The following PSD3 variants were observed in gnomAD, a reference collection of about 807,000 sequenced individuals.
PSD3 encodes PH and SEC7 domain-containing protein 3.
Under a neutral mutation model 105.5 loss-of-function variants are expected in PSD3, and 49 were observed. The observed-to-expected ratio is 0.46, with a 90% CI of 0.37 to 0.59. The LOEUF (loss-of-function observed/expected upper bound fraction) is 0.59. Among genes scored for constraint, PSD3 ranks in the 20% least tolerant of loss-of-function variants. PSD3 has a pLI of 0.00. For missense variants in PSD3, 1,561 were observed against 1,263.8 expected (o/e 1.24, Z -3.57); for synonymous variants, 557 against 457.8 (o/e 1.22, Z -2.77).
rs1051017645 is a variant in PSD3, at chr8:18,568,879, C to T, written c.2784+3649G>A. Among the ~76,000 whole-genome samples the T allele has an allele frequency of 2.2e-3, 333 of 150,634 alleles. 2 individuals carry two copies. Among genetic ancestry groups the T allele is most frequent in the African/African-American group, 7.7e-3 (317 of 41,078 alleles). On this transcript the variant is annotated intron_variant, in intron 14 of 15. Coordinates refer to ENST00000327040, the MANE Select transcript of PSD3 (RefSeq NM_015310.4). ...CACTCCCCCGACCCCACAACAGTCC[C>T]CAGAGGGTGATATTCCCCTTCCTGT...
chr8:19,064,134 C>G (rs1828993539), intron 1 of PSD3, among the ~76,000 whole-genome samples: 2 of 151,500 alleles, frequency 1.3e-5, no homozygotes, highest in South Asian at 4.2e-4. Flanking sequence ...AAGTGAGACT[C>G]TGTCTCAAAA....
intron 14 of PSD3, among the ~76,000 whole-genome samples, chr8:18,570,908 G>A (rs1235017472): frequency 1.3e-5 from 2 of 151,162 alleles, no homozygotes; most frequent in Non-Finnish European, 2.9e-5. Context: ...CGCCCAGGCT[G>A]GAATGCAGTG....
chr8:18,999,206 G>C (rs546669441), intron 1 of PSD3, among the ~76,000 whole-genome samples: 1 of 151,850 alleles, frequency 6.6e-6, no homozygotes, highest in Admixed American at 6.6e-5. Flanking sequence ...GTTTGCTTTT[G>C]TTTCTGAAGT....
chr8:18,755,831 C>T (rs559003199), intron 9 of PSD3, among the ~76,000 whole-genome samples: 39 of 151,534 alleles, frequency 2.6e-4, no homozygotes, highest in Admixed American at 5.9e-4. Flanking sequence ...CCCTCATTAT[C>T]GTCACCATTT....
At chr8:18,689,194 C>T (rs1407368120) in intron 9 of PSD3, among the ~76,000 whole-genome samples, 3 of 152,166 alleles carry the variant, frequency 2.0e-5, no homozygotes, top group Admixed American at 6.5e-5. Context: ...GGACACACAA[C>T]GCTGATACCA....
chr8:18,776,853 A>C (rs1038941894), intron 8 of PSD3, among the ~76,000 whole-genome samples: 3 of 152,056 alleles, frequency 2.0e-5, no homozygotes, highest in Non-Finnish European at 4.4e-5. Context: ...TCTTCTTGGT[A>C]GTTTGTATGT....
chr8:18,773,022 C>G (rs9644615), intron 8 of PSD3, among the ~76,000 whole-genome samples: 2 of 151,896 alleles, frequency 1.3e-5, no homozygotes, highest in Non-Finnish European at 2.9e-5. Flanking sequence ...ACAAACGTTT[C>G]AGTTTGATGT....
intron 1 of PSD3, among the ~76,000 whole-genome samples, chr8:18,985,246 T>C (rs928360249): frequency 2.1e-4 from 32 of 152,184 alleles, no homozygotes; most frequent in African/African-American, 7.7e-4. Context: ...CCTTTGCTTT[T>C]ATAGAGTGGA....
At chr8:18,947,421 G>A (rs1468061383) in intron 1 of PSD3, among the ~76,000 whole-genome samples, 2 of 152,170 alleles carry the variant, frequency 1.3e-5, no homozygotes, top group African/African-American at 4.8e-5. Context: ...AAAGCCCCTG[G>A]AGGTCCATTC....
At chr8:18,661,597 T>C (rs116807816) in intron 9 of PSD3, among the ~76,000 whole-genome samples, 2,072 of 152,284 alleles carry the variant, frequency 0.014, 56 homozygotes, top group African/African-American at 0.047. Flanking sequence ...TCTCCAAAAC[T>C]AGGATTTGGA....
At chr8:18,810,103 T>C (rs1811567406) in intron 4 of PSD3, among the ~76,000 whole-genome samples, 1 of 152,218 alleles carries the variant, frequency 6.6e-6, no homozygotes, top group Non-Finnish European at 1.5e-5. Flanking sequence ...CCATGCCTTT[T>C]ACGTATGTTG....
At chr8:18,536,114 A>G (rs776793888) in intron 15 of PSD3, among the ~76,000 whole-genome samples, 156 bp from the exon 16 acceptor site, 1 of 152,258 alleles carries the variant, frequency 6.6e-6, no homozygotes, top group Non-Finnish European at 1.5e-5. Flanking sequence ...CTTACTGGGC[A>G]CATGAGAGGC....
rs1365926700 is a variant in PSD3 at position 18,858,390 on chromosome 8, T to C, written c.1634+9284A>G. On this transcript the variant is annotated intron_variant, in intron 4 of 15. Transcript: ENST00000327040. ...ATGGAAGGACTTGCCTCAATGTTGA[T>C]GGCTGCTGACTGATCAGGGTGGTGG... Among the ~76,000 whole-genome samples, 3 of 152,350 alleles carry C rather than the reference T, an allele frequency of 2.0e-5. No individual in the cohort carries two copies. The East Asian group carries it at 5.8e-4, about 29-fold the overall frequency.
chr8:18,721,694 T>C (rs946462167), intron 9 of PSD3, among the ~76,000 whole-genome samples: 2 of 152,164 alleles, frequency 1.3e-5, no homozygotes, highest in African/African-American at 2.4e-5. Flanking sequence ...GGAATATGTG[T>C]CCTATTAACA....
intron 12 of PSD3, among the ~76,000 whole-genome samples, chr8:18,577,897 C>G (rs150022624): frequency 2.0e-5 from 3 of 152,102 alleles, no homozygotes; most frequent in East Asian, 1.9e-4. Flanking sequence ...GACCTCTCTC[C>G]TCTCATACCT....
chr8:18,708,405 C>G (rs979784189), intron 9 of PSD3, among the ~76,000 whole-genome samples: 2 of 151,984 alleles, frequency 1.3e-5, no homozygotes, highest in Non-Finnish European at 2.9e-5. Context: ...AATATAGCAC[C>G]TCATGGCAGC....
chr8:18,800,528 A>T (rs1297453504), intron 7 of PSD3, among the ~76,000 whole-genome samples: 1 of 152,202 alleles, frequency 6.6e-6, no homozygotes, highest in Non-Finnish European at 1.5e-5. Flanking sequence ...AGTTTATGAA[A>T]CATTTTCCAG....
intron 9 of PSD3, among the ~76,000 whole-genome samples, chr8:18,685,048 C>T (rs772506743): frequency 9.2e-5 from 14 of 152,182 alleles, no homozygotes; most frequent in Non-Finnish European, 2.1e-4. Context: ...AGGAGGCTTT[C>T]GTGTTAATAT....
chr8:18,828,067 A>T (rs10099559), intron 4 of PSD3, among the ~76,000 whole-genome samples: 3,309 of 118,822 alleles, frequency 0.028, 87 homozygotes, highest in African/African-American at 0.073. Context: ...ATATATATAT[A>T]TTTTTTTTTT....
Sources: allele counts gnomAD v4.1 joint callset (sites outside exome capture counted in the v4.1 genomes callset), GRCh38; gene constraint gnomAD v4.1.1; transcripts MANE v1.5; gene names NCBI Gene and HGNC (gene_info 2026-07-23, HGNC 2026-07-21).